The following DCT variants were observed in gnomAD, a reference collection of about 807,000 sequenced individuals.
DCT encodes dopachrome tautomerase, also known as L-dopachrome tautomerase.
A neutral mutation model predicts 53.0 loss-of-function variants in DCT; 47 were observed. The observed-to-expected ratio is 0.89, with a 90% confidence interval of 0.70 to 1.13. The LOEUF (loss-of-function observed/expected upper bound fraction) is 1.13. DCT is among the 50% of genes most tolerant of loss of function. DCT has a pLI of 0.00. For synonymous variants in DCT, 244 were observed against 237.0 expected, an observed-to-expected ratio of 1.03 and a Z score of -0.27; for missense variants, 669 against 637.4, an observed-to-expected ratio of 1.05 and a Z score of -0.53.
At chr13:94,479,893 A>G (rs760163786), upstream of DCT, among the ~76,000 whole-genome samples, 22 of 152,194 alleles carry the variant, frequency 1.4e-4, no homozygotes, top group Non-Finnish European at 2.8e-4. Context: ...ATCTGGGCTC[A>G]TGTGCTCCAG....
the DCT span, among the ~76,000 whole-genome samples, chr13:94,512,395 A>C: frequency 6.6e-6 from 1 of 152,218 alleles, no homozygotes; most frequent in African/African-American, 2.4e-5. Flanking sequence ...AATAGTGCAC[A>C]ATTCTTTCAG....
At chr13:94,499,481 T>TGC in the DCT span, among the ~76,000 whole-genome samples, 1 of 151,796 alleles carries the variant, frequency 6.6e-6, no homozygotes, top group Non-Finnish European at 1.5e-5. Flanking sequence ...TGTGTGTGTG[T>TGC]GCGTTCTCTC....
At chr13:94,514,962 T>C in the DCT span, among the ~76,000 whole-genome samples, 3 of 152,214 alleles carry the variant, frequency 2.0e-5, no homozygotes, top group Non-Finnish European at 4.4e-5. Context: ...GTGATGGTAT[T>C]AGGAGGTGAG....
the DCT span, among the ~76,000 whole-genome samples, chr13:94,548,926 G>A: frequency 1.4e-4 from 21 of 151,458 alleles, no homozygotes; most frequent in Non-Finnish European, 2.2e-4. Flanking sequence ...CCTATCCAGG[G>A]CCGAGAATGT....
intron 7 of DCT, among the ~76,000 whole-genome samples, chr13:94,442,053 G>A (rs1392720716): frequency 6.6e-6 from 1 of 152,040 alleles, no homozygotes; most frequent in Non-Finnish European, 1.5e-5. Context: ...ATGGGTATGA[G>A]GTGGTATCTT....
chr13:94,539,930 G>GATAT, the DCT span, among the ~76,000 whole-genome samples: 11 of 151,462 alleles, frequency 7.3e-5, no homozygotes, highest in African/African-American at 2.7e-4. Flanking sequence ...TTTTAAATGT[G>GATAT]ATATATATAT....
the DCT span, among the ~76,000 whole-genome samples, chr13:94,527,897 G>T: frequency 1.3e-5 from 2 of 152,026 alleles, no homozygotes; most frequent in Non-Finnish European, 2.9e-5. Context: ...TTGAAAAAAG[G>T]TTAGATGAAT....
the DCT span, among the ~76,000 whole-genome samples, chr13:94,506,187 G>A: frequency 6.6e-6 from 1 of 152,120 alleles, no homozygotes; most frequent in South Asian, 2.1e-4. Context: ...ACTATCTTTT[G>A]TTTCTCCCCC....
chr13:94,547,984 A>AAAAAAAAAAAAAAATAT, the DCT span, among the ~76,000 whole-genome samples: 1 of 65,820 alleles, frequency 1.5e-5, no homozygotes, highest in African/African-American at 1.3e-4. Flanking sequence ...AAAAAAAAAA[A>AAAAAAAAAAAAAAATAT]ATATATATAT....
At chr13:94,508,173 T>C in the DCT span, among the ~76,000 whole-genome samples, 1 of 152,264 alleles carries the variant, frequency 6.6e-6, no homozygotes, top group African/African-American at 2.4e-5. Context: ...TAATTGTTTG[T>C]CATAATAACT....
chr13:94,465,849 A>G (rs1884157818), intron 3 of DCT, 50 bp from the exon 4 acceptor site: 1 of 1,531,912 alleles, frequency 6.5e-7, no homozygotes, highest in African/African-American at 1.4e-5. Context: ...ATCAGATACA[A>G]CAAGAAAGCA....
the DCT span, among the ~76,000 whole-genome samples, chr13:94,487,990 T>C: frequency 6.6e-6 from 1 of 152,198 alleles, no homozygotes; most frequent in Non-Finnish European, 1.5e-5. Flanking sequence ...GCATTTTTTA[T>C]AGTTCATCCT....
At chr13:94,507,178 G>A in the DCT span, among the ~76,000 whole-genome samples, 57,730 of 151,982 alleles carry the variant, frequency 0.38, 11,440 homozygotes, top group East Asian at 0.61. Context: ...TAAGATCTCC[G>A]AATGAGTAAA....
chr13:94,546,579 C>A, the DCT span, among the ~76,000 whole-genome samples: 1 of 152,072 alleles, frequency 6.6e-6, no homozygotes, highest in Non-Finnish European at 1.5e-5. The surrounding 1 kb of genome is among the most constrained non-coding windows in gnomAD (Gnocchi z 4.2). Flanking sequence ...CAGTAGGGAG[C>A]TAGTCAGGCA....
intron 4 of DCT, among the ~76,000 whole-genome samples, chr13:94,462,835 G>A (rs1487159476): frequency 6.6e-6 from 1 of 152,194 alleles, no homozygotes; most frequent in Non-Finnish European, 1.5e-5. Context: ...GGAGAATAGG[G>A]TGGTTCGTAT....
At position 94,438,768 on chromosome 13, in the gene DCT, T is replaced by C; in HGVS notation, c.*1130A>G. On this transcript the variant is annotated 3_prime_UTR_variant, in exon 8 of 8. Transcript: ENST00000377028. ...GATTGCATAGCAGAATATAACCACT[T>C]AATTCTGAATTGTCATGTTTTGTAC... 2.5e-6 allele frequency: 1 copy of C among 401,574 alleles called. No homozygotes were observed. The highest frequency in any genetic ancestry group is 5.0e-6 in the Non-Finnish European group (1 of 201,006). 24.9% of individuals were successfully genotyped at this position (401,574 alleles called of 1,614,324 possible).
At chr13:94,508,115 G>C in the DCT span, among the ~76,000 whole-genome samples, 2 of 152,218 alleles carry the variant, frequency 1.3e-5, no homozygotes, top group Non-Finnish European at 2.9e-5. Context: ...GTGATAACTA[G>C]TAATTATTAT....
chr13:94,463,309 C>T (rs1205450721), intron 4 of DCT, among the ~76,000 whole-genome samples: 1 of 140,652 alleles, frequency 7.1e-6, no homozygotes, highest in East Asian at 2.1e-4. Context: ...TTTTTTGAGA[C>T]AGAGTCTCAC....
chr13:94,486,397 A>G, the DCT span, among the ~76,000 whole-genome samples: 1 of 152,212 alleles, frequency 6.6e-6, no homozygotes, highest in African/African-American at 2.4e-5. Flanking sequence ...GCACGTCAGA[A>G]TAGAATTAAG....
Sources: gnomAD v4.1 joint callset for allele counts (sites outside exome capture counted in the v4.1 genomes callset) on GRCh38, gnomAD v4.1.1 for gene constraint, Gnocchi (gnomAD v3.1) non-coding constraint, MANE v1.5 for transcripts, NCBI Gene and HGNC (gene_info 2026-07-23, HGNC 2026-07-21) for gene names.